Variants in RBM41 observed in about 807,000 individuals in gnomAD.
The protein encoded by RBM41 is RNA-binding protein 41.
RBM41 carries 14 observed loss-of-function variants against 30.8 expected under a neutral mutation model. That is an observed-to-expected ratio of 0.45 (90% CI 0.30 to 0.71). The LOEUF is 0.71. Among genes scored for constraint, RBM41 ranks in the 30% least tolerant of loss-of-function variants. The pLI, the probability that RBM41 is intolerant of heterozygous loss-of-function variation, is 0.08. For synonymous variants in RBM41, 120 were observed against 110.1 expected (o/e 1.09, Z -0.56); for missense variants, 276 against 326.3 (o/e 0.85, Z 1.19).
intron 4 of RBM41, 80 bp downstream of exon 4, chrX:107,115,272 T>C (rs1044931063): frequency 3.9e-6 from 4 of 1,038,864 alleles, no homozygotes; most frequent in African/African-American, 1.9e-5. Flanking sequence ...TTCCCTTCAC[T>C]AACTCTTCAT....
chrX:107,115,740 C>T, intron 3 of RBM41, 122 bp downstream of exon 3: 2 of 954,623 alleles, frequency 2.1e-6, no homozygotes, highest in Non-Finnish European at 2.9e-6. Flanking sequence ...AAAGAAGATT[C>T]AGACACCAAG....
At chrX:107,096,468 CA>C (rs1024525709) in intron 5 of RBM41, among the ~76,000 whole-genome samples, 4 of 111,945 alleles carry the variant, frequency 3.6e-5, no homozygotes, top group Non-Finnish European at 5.6e-5. Flanking sequence ...CATTTATGGT[CA>C]ATTGATTTTT....
chrX:107,080,175 A>T (rs2147920683), intron 6 of RBM41, among the ~76,000 whole-genome samples: 1 of 110,990 alleles, frequency 9.0e-6, no homozygotes, highest in East Asian at 2.9e-4. Context: ...TGGTAAAATA[A>T]TGTTCAGCTT....
intron 2 of RBM41, 93 bp from the exon 3 acceptor site, chrX:107,116,147 T>G: frequency 1.0e-6 from 1 of 991,844 alleles, no homozygotes; most frequent in Non-Finnish European, 1.3e-6. Context: ...ACAATGAAAC[T>G]CACCAGCAAA....
intron 6 of RBM41, among the ~76,000 whole-genome samples, chrX:107,076,470 C>T (rs1936232822): frequency 9.1e-6 from 1 of 110,260 alleles, no homozygotes; most frequent in South Asian, 3.8e-4. Context: ...GTGAAATAAG[C>T]CAGTTGCAGG....
intron 7 of RBM41, among the ~76,000 whole-genome samples, chrX:107,067,941 T>C (rs1400728191): frequency 3.6e-5 from 4 of 111,532 alleles, no homozygotes; most frequent in African/African-American, 6.5e-5. Flanking sequence ...AAGAAACAAG[T>C]AGAGAAACAA....
In RBM41 at chrX:107,116,653, T is replaced by C; in HGVS notation, c.122A>G (p.Glu41Gly). The C allele has an allele frequency of 8.3e-7, 1 of 1,210,110 alleles. No homozygotes were observed. Among genetic ancestry groups the C allele is most frequent in the South Asian group, 1.8e-5 (1 of 56,758 alleles). Residue 41 changes from glutamate to glycine, a missense_variant, in exon 2 of 8, where the codon GAG becomes GGG. Transcript: ENST00000685964. The part of the protein sequence containing the change: ...QHQLDTSVSI[E>G]ECMSKKESFA... The stretch of plus-strand genomic sequence containing the variant: ...CGTTTGCAAAATCAATACCTACTCC[T>C]CAATGGAGACAGAAGTATCAAGTTG...
At chrX:107,085,018 TG>T (rs1045432629) in intron 6 of RBM41, among the ~76,000 whole-genome samples, 224 of 111,262 alleles carry the variant, frequency 2.0e-3, no homozygotes, top group Non-Finnish European at 1.8e-3. Flanking sequence ...AAACATACCA[TG>T]TTTTATCTAT....
intron 6 of RBM41, among the ~76,000 whole-genome samples, chrX:107,086,241 CATACCCTATATATCACAGTA>C (rs1922028134): frequency 9.0e-6 from 1 of 111,493 alleles, no homozygotes; most frequent in Non-Finnish European, 1.9e-5. Flanking sequence ...TTGAGATATA[CATACCCTATATATCACAGTA>C]ATTCCACTCC....
intron 5 of RBM41, among the ~76,000 whole-genome samples, chrX:107,095,686 A>T (rs1243729099): frequency 8.9e-6 from 1 of 111,812 alleles, no homozygotes; most frequent in Non-Finnish European, 1.9e-5. Flanking sequence ...AATTCTATTC[A>T]CAAGAACATG....
downstream of RBM41, among the ~76,000 whole-genome samples, chrX:107,061,792 A>C (rs1008100307): frequency 1.8e-5 from 2 of 111,705 alleles, no homozygotes; most frequent in African/African-American, 3.3e-5. Context: ...GGCAGAAAAT[A>C]AGGAATGGTA....
At chrX:107,092,803 T>C (rs1021575517) in intron 5 of RBM41, among the ~76,000 whole-genome samples, 1 of 111,598 alleles carries the variant, frequency 9.0e-6, no homozygotes, top group Non-Finnish European at 1.9e-5. Flanking sequence ...CAACATGACA[T>C]CATCTACTAA....
chrX:107,061,856 T>C (rs1330223233), downstream of RBM41, among the ~76,000 whole-genome samples: 1 of 112,127 alleles, frequency 8.9e-6, no homozygotes, highest in East Asian at 2.8e-4. Context: ...AATAAAAAAC[T>C]ACTTAACAGA....
the RBM41 span, among the ~76,000 whole-genome samples, chrX:107,052,174 A>G: frequency 8.9e-6 from 1 of 111,778 alleles, no homozygotes. Context: ...GCTCCCATAC[A>G]AAGGGAGGGG....
chrX:107,079,955 G>A (rs1921352418), intron 6 of RBM41, among the ~76,000 whole-genome samples: 1 of 111,679 alleles, frequency 9.0e-6, no homozygotes, highest in Non-Finnish European at 1.9e-5. Context: ...GGCTGGACAT[G>A]CATTTCTTTT....
intron 5 of RBM41, among the ~76,000 whole-genome samples, chrX:107,110,608 T>C (rs1180212926): frequency 9.0e-6 from 1 of 111,583 alleles, no homozygotes; most frequent in East Asian, 2.8e-4. Context: ...AAAATTCATA[T>C]GGAATCTCAA....
At chrX:107,106,850 C>G (rs1450476609) in intron 5 of RBM41, among the ~76,000 whole-genome samples, 8 of 92,280 alleles carry the variant, frequency 8.7e-5, no homozygotes, top group Admixed American at 2.6e-4. Flanking sequence ...AGGGGAACAT[C>G]ATACACCGGG....
chrX:107,058,387 C>T (rs1015330043), downstream of RBM41, among the ~76,000 whole-genome samples: 1 of 110,415 alleles, frequency 9.1e-6, no homozygotes, highest in Non-Finnish European at 1.9e-5. Context: ...TCATACCAGG[C>T]ACTATTCAAA....
At chrX:107,111,095 AG>A in intron 5 of RBM41, among the ~76,000 whole-genome samples, 1 of 111,687 alleles carries the variant, frequency 9.0e-6, no homozygotes, top group East Asian at 2.8e-4. Context: ...CAAAGGACAG[AG>A]TGAAAAGGCA....
Sources: allele counts gnomAD v4.1 joint callset (sites outside exome capture counted in the v4.1 genomes callset), GRCh38; gene constraint gnomAD v4.1.1; transcripts MANE v1.5; gene names NCBI Gene and HGNC (gene_info 2026-07-23, HGNC 2026-07-21).